The following VGF variants were observed in gnomAD, a reference collection of about 807,000 sequenced individuals.
VGF encodes VGF nerve growth factor inducible, also known as neurosecretory protein VGF.
In VGF, 13 loss-of-function variants were observed where a neutral mutation model predicts 41.1. That is an observed-to-expected ratio of 0.32 (90% confidence interval 0.21 to 0.50). The LOEUF is 0.50. Among genes scored for constraint, VGF ranks in the 20% least tolerant of loss-of-function variants. The pLI is 0.98. For synonymous variants in VGF, 473 were observed against 418.3 expected, an observed-to-expected ratio of 1.13 and a Z score of -1.60; for missense variants, 920 against 882.1, an observed-to-expected ratio of 1.04 and a Z score of -0.54.
In VGF at chr7:101,164,158, G is replaced by A; in HGVS notation, c.686C>T (p.Ser229Phe). Reference sequence around the variant, plus strand: ...GTCGGGCATACGCGCCTGGAATTGAGAGGGGGCCGGGGGCGGCAGGGGCGC... The same window carrying A: ...GTCGGGCATACGCGCCTGGAATTGAAAGGGGGCCGGGGGCGGCAGGGGCGC... ...ERAPLPPPAP[S>F]QFQARMPDSG... Residue 229 changes from serine to phenylalanine, a missense_variant, in exon 2 of 2, where the codon TCT becomes TTT. This residue lies in a region of VGF where 654 missense variants were observed against 638.4 expected (regional missense o/e 1.02). Transcript: ENST00000249330. 6.6e-7 allele frequency: 1 copy of A among 1,507,948 alleles called. No individual in the cohort carries two copies. Among genetic ancestry groups the A allele is most frequent in the Non-Finnish European group, 8.8e-7 (1 of 1,136,368 alleles). The allele number at this position is 1,507,948 out of a possible 1,614,324, so 93.4% of individuals were successfully genotyped here.
At position 101,163,554 on chromosome 7, in the gene VGF, C is replaced by T; in HGVS notation, c.1290G>A (p.Lys430=). 6.3e-7 allele frequency: 1 copy of T among 1,596,860 alleles called. No homozygotes were observed. Among genetic ancestry groups the T allele is most frequent in the Non-Finnish European group, 8.5e-7 (1 of 1,171,622 alleles). The change falls in exon 2 of 2, where the codon AAG becomes AAA. Residue 430 remains lysine (K), a synonymous_variant. Coordinates refer to ENST00000249330, the MANE Select transcript of VGF (RefSeq NM_003378.4). The surrounding 1 kb of genome is among the most constrained non-coding windows in gnomAD (Gnocchi z 5.0). ...CGCCCTCCTCTGTCCCCTCGGCCTC[C>T]TTCCGCCGGTGGCCCGGCGTCTCCT... ...SQEETPGHRR[K]EAEGTEEGGE...
At chr7:101,166,735 A>T (rs1448414105), upstream of VGF, among the ~76,000 whole-genome samples, 2 of 115,254 alleles carry the variant, frequency 1.7e-5, no homozygotes, top group African/African-American at 6.7e-5. Flanking sequence ...AATCCATCAG[A>T]GAGCTGGGTC....
At chr7:101,164,896 T>G in intron 1 of VGF, 33 bp from the exon 2 acceptor site, 1 of 1,498,898 alleles carries the variant, frequency 6.7e-7, no homozygotes, top group Non-Finnish European at 8.9e-7. Context: ...AAAAGAGGAT[T>G]TCTGTAAGAA....
At chr7:101,169,606 G>T (rs1797274265), upstream of VGF, among the ~76,000 whole-genome samples, 1 of 152,074 alleles carries the variant, frequency 6.6e-6, no homozygotes, top group Non-Finnish European at 1.5e-5. Flanking sequence ...AGGGAGGGGC[G>T]CCAAAACCCT....
Position 101,162,760 on chromosome 7 carries a change from A to T in VGF, c.*236T>A. 1.6e-6 allele frequency: 1 copy of T among 625,936 alleles called. No individual in the cohort carries two copies. The highest frequency in any genetic ancestry group is 3.0e-6 in the Non-Finnish European group (1 of 336,670). The allele number at this position is 625,936 out of a possible 1,614,324, so 38.8% of individuals were successfully genotyped here. On this transcript the variant is annotated 3_prime_UTR_variant, in exon 2 of 2. Coordinates refer to ENST00000249330, the MANE Select transcript of VGF (RefSeq NM_003378.4). This position sits in a 1 kb window ranked among gnomAD's most constrained non-coding sequence, Gnocchi z 4.2. ...GGCCCCGCGTGGCAAGGGAACTCGC[A>T]CAAACCACCCGCCCTCCTGGGCTGG...
rs771966833 is a variant in VGF, at chr7:101,163,391, T to C, written c.1453A>G (p.Asn485Asp). 6.3e-7 allele frequency: 1 copy of C among 1,597,780 alleles called. No individual in the cohort carries two copies. Among genetic ancestry groups the C allele is most frequent in the Non-Finnish European group, 8.5e-7 (1 of 1,178,270 alleles). Reference protein sequence around the residue: ...EVEEKRKRKKNAPPEPVPPPR... With the variant: ...EVEEKRKRKKDAPPEPVPPPR... ...GGCGGCACGGGCTCGGGAGGGGCGT[T>C]CTTCTTCCGCTTCCGCTTCTCCTCC... The change falls in exon 2 of 2, where the codon AAC becomes GAC. Residue 485 changes from asparagine to aspartate, a missense_variant. Around this residue, in one of 3 missense-constraint regions of VGF, gnomAD observed 257 missense variants for 217.2 expected, o/e 1.18. Transcript: ENST00000249330. This position sits in a 1 kb window ranked among gnomAD's most constrained non-coding sequence, Gnocchi z 5.0.
chr7:101,164,426 G>A lies in VGF; in HGVS notation c.418C>T (p.Pro140Ser). 6.2e-7 allele frequency: 1 copy of A among 1,607,944 alleles called. No homozygotes were observed. The highest frequency in any genetic ancestry group is 8.5e-7 in the Non-Finnish European group (1 of 1,178,752). Residue 140 changes from proline (P) to serine (S), a missense_variant, in exon 2 of 2, where the codon CCT (proline) becomes TCT (serine). Around this residue, in one of 3 missense-constraint regions of VGF, gnomAD observed 654 missense variants for 638.4 expected, o/e 1.02. Transcript: ENST00000249330. Reference protein sequence around the residue: ...ESPEPAAPPRPQTPENGPEAS... With the variant: ...ESPEPAAPPRSQTPENGPEAS... ...TCGGGCCCATTCTCCGGAGTCTGAG[G>A]GCGAGGCGGAGCCGCGGGCTCCGGG... is the stretch of plus-strand genomic sequence containing the variant.
Position 101,165,028 on chromosome 7 carries a change from C to T in VGF, c.-20-165G>A, listed in dbSNP as rs929054070. On this transcript the variant is annotated intron_variant, in intron 1 of 1. Coordinates refer to ENST00000249330, the MANE Select transcript of VGF (RefSeq NM_003378.4). ...AGGAGCAAAGGAGGAAGATGTTGTG[C>T]CGATCTCTGGAGCCGTGTAAATGGG... The T allele has an allele frequency of 1.4e-5, 18 of 1,333,026 alleles. No homozygotes were observed. In the Admixed American group the frequency reaches 2.7e-4, roughly 20 times the overall value. 82.6% of individuals were successfully genotyped at this position (1,333,026 alleles called of 1,614,324 possible).
At position 101,162,908 on chromosome 7, in the gene VGF, AAACACCGAGGGGGAGCGGGC is replaced by A; in HGVS notation, c.*68_*87del. 2.7e-6 allele frequency: 2 copies of A among 737,622 alleles called. No individual in the cohort carries two copies. Among genetic ancestry groups the A allele is most frequent in the Non-Finnish European group, 4.1e-6 (2 of 486,714 alleles). 45.7% of individuals were successfully genotyped at this position (737,622 alleles called of 1,614,324 possible). The stretch of plus-strand genomic sequence containing the variant: ...CAAGGGGCAGGGCCGGGGCGCATGC[AAACACCGAGGGGGAGCGGGC>A]AACACGGAGGGGGGCGCCGGCGCGC... On this transcript the variant is annotated 3_prime_UTR_variant, in exon 2 of 2. Transcript: ENST00000249330. This position sits in a 1 kb window ranked among gnomAD's most constrained non-coding sequence, Gnocchi z 4.2.
chr7:101,164,442 G>A lies in VGF; in HGVS notation c.402C>T (p.Pro134=). ...GAGTCTGAGGGCGAGGCGGAGCCGC[G>A]GGCTCCGGGCTCTCCGGCGCCGGGA... ...HSLPAPESPE[P]AAPPRPQTPE... is the part of the protein sequence containing the mutation. Residue 134 remains proline (P), a synonymous_variant, in exon 2 of 2, where the codon CCC becomes CCT. Coordinates refer to ENST00000249330, the MANE Select transcript of VGF (RefSeq NM_003378.4). 6.2e-7 allele frequency: 1 copy of A among 1,604,814 alleles called. No individual in the cohort carries two copies. Among genetic ancestry groups the A allele is most frequent in the Non-Finnish European group, 8.5e-7 (1 of 1,178,076 alleles).
At chr7:101,167,250 T>C (rs1219427559), upstream of VGF, among the ~76,000 whole-genome samples, 1 of 131,540 alleles carries the variant, frequency 7.6e-6, no homozygotes. This position sits in a 1 kb window ranked among gnomAD's most constrained non-coding sequence, Gnocchi z 4.2. Context: ...TGGGGAGGAG[T>C]GGAGAGGGAG....
At chr7:101,168,009 GTTTT>G (rs374063215), upstream of VGF, among the ~76,000 whole-genome samples, 1 of 100,006 alleles carries the variant, frequency 1.0e-5, no homozygotes, top group South Asian at 4.3e-4. Context: ...GTGCTGGGTT[GTTTT>G]TTTTTGTTTT....
At chr7:101,167,539 G>A (rs1426438842), upstream of VGF, among the ~76,000 whole-genome samples, 10 of 152,084 alleles carry the variant, frequency 6.6e-5, no homozygotes, top group East Asian at 1.9e-4. This position sits in a 1 kb window ranked among gnomAD's most constrained non-coding sequence, Gnocchi z 4.2. Flanking sequence ...AGGGGGTCAC[G>A]TTACCTTCCT....
upstream of VGF, among the ~76,000 whole-genome samples, chr7:101,167,940 T>C (rs527502164): frequency 6.6e-6 from 1 of 151,902 alleles, no homozygotes; most frequent in Non-Finnish European, 1.5e-5. The surrounding 1 kb of genome is among the most constrained non-coding windows in gnomAD (Gnocchi z 4.2). Context: ...TTCCAGTCTG[T>C]GTGGCTGTGT....
chr7:101,167,572 A>AT (rs1395109211), upstream of VGF, among the ~76,000 whole-genome samples: 1 of 151,894 alleles, frequency 6.6e-6, no homozygotes. The surrounding 1 kb of genome is among the most constrained non-coding windows in gnomAD (Gnocchi z 4.2). Flanking sequence ...TCAGAGAGAG[A>AT]TGGCTCAGAC....
rs757510647 is a variant in VGF at position 101,162,832 on chromosome 7, C to T, written c.*164G>A. 5 of 665,682 alleles carry T rather than the reference C, an allele frequency of 7.5e-6. No individual in the cohort carries two copies. Among genetic ancestry groups the T allele is most frequent in the Non-Finnish European group, 1.4e-5 (5 of 365,270 alleles). 41.2% of individuals were successfully genotyped at this position (665,682 alleles called of 1,614,324 possible). A position where few individuals can be genotyped will look rare whatever the true frequency, so the allele number is the denominator to read the frequency against. On this transcript the variant is annotated 3_prime_UTR_variant, in exon 2 of 2. Transcript: ENST00000249330. The surrounding 1 kb of genome is among the most constrained non-coding windows in gnomAD (Gnocchi z 4.2). ...GCTCTGGGAGTTCGGGCTCAGGACC[C>T]GGGAGGGGGGTCTGGCAGGTCCCGA... is the stretch of plus-strand genomic sequence containing the variant.
In VGF at chr7:101,165,430, G is replaced by A. The variant is rs1187828877; in HGVS notation, c.-77C>T. 1.0e-6 allele frequency: 1 copy of A among 985,460 alleles called. No individual in the cohort carries two copies. The highest frequency in any genetic ancestry group is 4.7e-5 in the South Asian group (1 of 21,288). The allele number at this position is 985,460 out of a possible 1,614,324, so 61.0% of individuals were successfully genotyped here. ...GAGGGTCGGGGCAGGGTGGGGACAG[G>A]GGAAGATCGGGACGCGTCCGCCTCG... On this transcript the variant is annotated 5_prime_UTR_variant, in exon 1 of 2. Coordinates refer to ENST00000249330, the MANE Select transcript of VGF (RefSeq NM_003378.4).
rs1474145509 is a variant in VGF at position 101,163,908 on chromosome 7, C to T, written c.936G>A (p.Glu312=). 2.0e-6 allele frequency: 3 copies of T among 1,463,770 alleles called. No homozygotes were observed. The highest frequency in any genetic ancestry group is 2.8e-5 in the East Asian group (1 of 36,264). 90.7% of individuals were successfully genotyped at this position (1,463,770 alleles called of 1,614,324 possible). A position where few individuals can be genotyped will look rare whatever the true frequency, so the allele number is the denominator to read the frequency against. ...AQVEAGRRQA[E]ATRQAAAQEE... is the part of the protein sequence containing the mutation. ...CCTGCGCCGCGGCCTGCCGCGTGGC[C>T]TCCGCCTGCCGCCGCCCGGCCTCCA... Residue 312 remains glutamate (E), a synonymous_variant, in exon 2 of 2, where the codon GAG becomes GAA. Transcript: ENST00000249330. This position sits in a 1 kb window ranked among gnomAD's most constrained non-coding sequence, Gnocchi z 5.0.
Position 101,162,957 on chromosome 7 carries a change from CGCGGCGGGGGCGCGCGGGG to C in VGF, c.*20_*38del, listed in dbSNP as rs759227426. On this transcript the variant is annotated 3_prime_UTR_variant, in exon 2 of 2. Coordinates refer to ENST00000249330, the MANE Select transcript of VGF (RefSeq NM_003378.4). This position sits in a 1 kb window ranked among gnomAD's most constrained non-coding sequence, Gnocchi z 4.2. ...ACGGAGGGGGGCGCCGGCGCGCGCG[CGCGGCGGGGGCGCGCGGGG>C]GCGGGACCGGGAAGGGCAGTCACGG... The C allele has an allele frequency of 1.8e-5, 20 of 1,095,792 alleles. No homozygotes were observed. Among genetic ancestry groups the C allele is most frequent in the Admixed American group, 4.3e-5 (1 of 23,220 alleles). 67.9% of individuals were successfully genotyped at this position (1,095,792 alleles called of 1,614,324 possible). A position where few individuals can be genotyped will look rare whatever the true frequency, so the allele number is the denominator to read the frequency against.
Sources: gnomAD v4.1 joint callset for allele counts (sites outside exome capture counted in the v4.1 genomes callset) on GRCh38, gnomAD v4.1.1 for gene constraint, gnomAD v4.1.1 regional missense constraint, Gnocchi (gnomAD v3.1) non-coding constraint, MANE v1.5 for transcripts, NCBI Gene and HGNC (gene_info 2026-07-23, HGNC 2026-07-21) for gene names.